SPACA7: variants seen among roughly 807,000 people sequenced by gnomAD.
The protein encoded by SPACA7 is sperm acrosome-associated protein 7.
Under a neutral mutation model 26.3 loss-of-function variants are expected in SPACA7, and 19 were observed. The observed-to-expected ratio is 0.72, with a 90% CI of 0.50 to 1.06. The LOEUF is 1.06. Among genes scored for constraint, SPACA7 ranks in the 50% least tolerant of loss-of-function variants. SPACA7 has a pLI of 0.00. For missense variants in SPACA7, 211 were observed against 229.9 expected (o/e 0.92, Z 0.53); for synonymous variants, 84 against 84.5 (o/e 0.99, Z 0.04).
intron 2 of SPACA7, among the ~76,000 whole-genome samples, chr13:112,396,329 G>A (rs1193428110): frequency 6.6e-6 from 1 of 152,126 alleles, no homozygotes; most frequent in Non-Finnish European, 1.5e-5. Flanking sequence ...TTCAGACAGT[G>A]CCCCAGGAGG....
At chr13:112,397,670 A>T (rs1166627398) in intron 2 of SPACA7, among the ~76,000 whole-genome samples, 2 of 152,170 alleles carry the variant, frequency 1.3e-5, no homozygotes. Flanking sequence ...CACAGAGATC[A>T]GGAGCGACGC....
At chr13:112,416,397 C>T (rs1886697490) in intron 5 of SPACA7, among the ~76,000 whole-genome samples, 1 of 152,080 alleles carries the variant, frequency 6.6e-6, no homozygotes, top group South Asian at 2.1e-4. Flanking sequence ...GGAGATTCCC[C>T]TGCCTCAGCC....
chr13:112,390,325 G>A (rs902933363), intron 1 of SPACA7, among the ~76,000 whole-genome samples: 2 of 152,146 alleles, frequency 1.3e-5, no homozygotes, highest in African/African-American at 4.8e-5. Context: ...AAGGAGAGGA[G>A]CAGAGCCAGT....
chr13:112,385,333 G>A (rs532840567), intron 1 of SPACA7, among the ~76,000 whole-genome samples: 11 of 151,728 alleles, frequency 7.2e-5, no homozygotes, highest in South Asian at 2.1e-4. Flanking sequence ...CCAAAAACAC[G>A]TTCCCTACAC....
intron 3 of SPACA7, 45 bp downstream of exon 3, chr13:112,398,183 C>T (rs771669053): frequency 4.9e-6 from 7 of 1,429,378 alleles, no homozygotes; most frequent in Non-Finnish European, 6.9e-6. Flanking sequence ...CTCTAATTGC[C>T]CTTATTCCTG....
intron 5 of SPACA7, among the ~76,000 whole-genome samples, chr13:112,415,219 T>C (rs1886614983): frequency 6.6e-6 from 1 of 151,976 alleles, no homozygotes; most frequent in South Asian, 2.1e-4. Context: ...GGAAGAGGAG[T>C]GATACCGGCA....
chr13:112,434,308 C>T (rs56070131), intron 6 of SPACA7, among the ~76,000 whole-genome samples, 177 bp from the exon 7 acceptor site: 4 of 152,180 alleles, frequency 2.6e-5, no homozygotes, highest in Admixed American at 6.5e-5. Context: ...GGCAGCCTGA[C>T]GCAGCCAGTG....
At chr13:112,413,045 T>C (rs2139010955) in intron 5 of SPACA7, among the ~76,000 whole-genome samples, 1 of 152,348 alleles carries the variant, frequency 6.6e-6, no homozygotes, top group Non-Finnish European at 1.5e-5. Flanking sequence ...TGCCTATCTC[T>C]TTAAAATTAT....
chr13:112,382,491 T>C lies in SPACA7; in HGVS notation c.94+6012T>C, dbSNP rs1382746301. The C allele has an allele frequency of 2.6e-6, 4 of 1,550,478 alleles. No individual in the cohort carries two copies. The South Asian group carries it at 3.6e-5, about 14-fold the overall frequency. ...CCACTGACAGGGGACGTAGTGGGAATGGGAATGAACCCCAAGGTGAGAACA... is the reference window on the plus strand; with the variant it reads ...CCACTGACAGGGGACGTAGTGGGAACGGGAATGAACCCCAAGGTGAGAACA... On this transcript the variant is annotated intron_variant, in intron 1 of 6. Coordinates refer to ENST00000283550, the MANE Select transcript of SPACA7 (RefSeq NM_145248.5).
intron 5 of SPACA7, among the ~76,000 whole-genome samples, chr13:112,406,022 T>C (rs1478607820): frequency 6.6e-6 from 1 of 152,232 alleles, no homozygotes; most frequent in Non-Finnish European, 1.5e-5. Context: ...TTCTTTATTT[T>C]TTAGTTTACC....
intron 5 of SPACA7, among the ~76,000 whole-genome samples, chr13:112,411,709 C>T: frequency 6.6e-6 from 1 of 152,142 alleles, no homozygotes; most frequent in Non-Finnish European, 1.5e-5. Context: ...CTCTCTGTGC[C>T]TTTCACTTGA....
chr13:112,414,835 G>A (rs187595762), intron 5 of SPACA7, among the ~76,000 whole-genome samples: 132 of 152,228 alleles, frequency 8.7e-4, no homozygotes, highest in South Asian at 1.5e-3. Flanking sequence ...TCTATTTGAC[G>A]GAGTCATATT....
At chr13:112,423,209 G>A (rs1384793233) in intron 5 of SPACA7, among the ~76,000 whole-genome samples, 1 of 152,096 alleles carries the variant, frequency 6.6e-6, no homozygotes, top group East Asian at 1.9e-4. Context: ...AGTACCATTG[G>A]CAAGTATTCT....
At chr13:112,390,594 T>C (rs1884824116) in intron 1 of SPACA7, among the ~76,000 whole-genome samples, 1 of 152,202 alleles carries the variant, frequency 6.6e-6, no homozygotes, top group Non-Finnish European at 1.5e-5. Context: ...TATAGGCTTC[T>C]GCTTCTGGGG....
intron 5 of SPACA7, among the ~76,000 whole-genome samples, chr13:112,418,528 G>T (rs1886830740): frequency 1.3e-5 from 2 of 152,190 alleles, no homozygotes; most frequent in South Asian, 2.1e-4. Context: ...GTGTATTCTG[G>T]AATAGCTAAT....
At chr13:112,424,869 T>G (rs572745149) in intron 5 of SPACA7, among the ~76,000 whole-genome samples, 1 of 152,236 alleles carries the variant, frequency 6.6e-6, no homozygotes, top group East Asian at 1.9e-4. Context: ...GGTACATCCA[T>G]ATCCCCCCAT....
chr13:112,430,178 G>C (rs925184272), intron 5 of SPACA7, among the ~76,000 whole-genome samples: 2 of 147,492 alleles, frequency 1.4e-5, no homozygotes, highest in Non-Finnish European at 3.0e-5. Flanking sequence ...CTCTCTCTGT[G>C]TGTGTGTGTG....
At chr13:112,427,633 C>T (rs1411827455) in intron 5 of SPACA7, among the ~76,000 whole-genome samples, 1 of 152,122 alleles carries the variant, frequency 6.6e-6, no homozygotes, top group Non-Finnish European at 1.5e-5. Context: ...ATTATTTCTA[C>T]CCAAAATGTT....
At chr13:112,424,858 C>T (rs894566262) in intron 5 of SPACA7, among the ~76,000 whole-genome samples, 6 of 152,238 alleles carry the variant, frequency 3.9e-5, no homozygotes, top group African/African-American at 9.6e-5. Context: ...AGGTATTTCT[C>T]GGTACATCCA....
Sources: allele counts gnomAD v4.1 joint callset (sites outside exome capture counted in the v4.1 genomes callset), GRCh38; gene constraint gnomAD v4.1.1; transcripts MANE v1.5; gene names NCBI Gene and HGNC (gene_info 2026-07-23, HGNC 2026-07-21).